Variants in PRMT3 observed in about 807,000 individuals in gnomAD.
PRMT3 encodes the protein protein arginine N-methyltransferase 3.
A neutral mutation model predicts 71.9 loss-of-function variants in PRMT3; 62 were observed. The observed-to-expected ratio is 0.86, with a 90% CI of 0.70 to 1.07. The LOEUF is 1.07. Ranked by LOEUF, PRMT3 falls within the 50% of genes least tolerant of loss-of-function variation. PRMT3 has a pLI of 0.00. For synonymous variants in PRMT3, 213 were observed against 220.4 expected (o/e 0.97, Z 0.30); for missense variants, 663 against 643.0 (o/e 1.03, Z -0.34).
intron 7 of PRMT3, 120 bp from the exon 8 acceptor site, chr11:20,402,799 C>T: frequency 3.7e-5 from 22 of 591,164 alleles, no homozygotes; most frequent in Non-Finnish European, 4.7e-5. Context: ...GCTTGGTATC[C>T]CAGGTATAAA....
chr11:20,444,307 C>A (rs1360032895), intron 10 of PRMT3, among the ~76,000 whole-genome samples: 1 of 152,100 alleles, frequency 6.6e-6, no homozygotes, highest in African/African-American at 2.4e-5. Context: ...ATTCATTTAA[C>A]AAATAGTGTG....
At chr11:20,485,522 AGAATT>A (rs1490050301) in intron 13 of PRMT3, among the ~76,000 whole-genome samples, 1 of 152,238 alleles carries the variant, frequency 6.6e-6, no homozygotes, top group Admixed American at 6.5e-5. Flanking sequence ...GGTTTGGAAA[AGAATT>A]GAACAGACAT....
intron 7 of PRMT3, among the ~76,000 whole-genome samples, chr11:20,398,488 T>C (rs1320425695): frequency 1.3e-5 from 2 of 152,184 alleles, no homozygotes; most frequent in Non-Finnish European, 2.9e-5. Flanking sequence ...AGTCTCGCTC[T>C]GTCACCCAGG....
chr11:20,412,065 A>G (rs972668618), intron 9 of PRMT3, among the ~76,000 whole-genome samples: 1 of 152,188 alleles, frequency 6.6e-6, no homozygotes, highest in African/African-American at 2.4e-5. Context: ...ACTTATTATT[A>G]TCTCACAGTT....
At chr11:20,463,574 CTT>C (rs59723081) in intron 12 of PRMT3, among the ~76,000 whole-genome samples, 8,220 of 148,514 alleles carry the variant, frequency 0.055, 433 homozygotes, top group African/African-American at 0.14. Context: ...TGTATGTACT[CTT>C]TTTTTTTTTT....
chr11:20,422,122 T>G (rs1471622408), intron 9 of PRMT3, among the ~76,000 whole-genome samples: 1 of 152,190 alleles, frequency 6.6e-6, no homozygotes, highest in African/African-American at 2.4e-5. Flanking sequence ...TCACAGCCAC[T>G]TGGGGATCAA....
intron 11 of PRMT3, 82 bp downstream of exon 11, chr11:20,452,290 C>T: frequency 3.6e-6 from 4 of 1,120,410 alleles, no homozygotes; most frequent in Non-Finnish European, 4.0e-6. Flanking sequence ...ATAAACTATG[C>T]ATGGCTGAGG....
At chr11:20,498,289 G>T (rs570863937) in intron 15 of PRMT3, among the ~76,000 whole-genome samples, 1 of 152,274 alleles carries the variant, frequency 6.6e-6, no homozygotes, top group Non-Finnish European at 1.5e-5. Context: ...GCTACACATC[G>T]AAGAAACTCA....
At chr11:20,477,283 A>AG in intron 13 of PRMT3, among the ~76,000 whole-genome samples, 1 of 152,132 alleles carries the variant, frequency 6.6e-6, no homozygotes, top group Non-Finnish European at 1.5e-5. Context: ...GTGGGTTTTA[A>AG]AGTGAGTCTT....
intron 9 of PRMT3, among the ~76,000 whole-genome samples, chr11:20,423,849 G>C (rs1410564852): frequency 8.4e-6 from 1 of 119,598 alleles, no homozygotes. Context: ...ACCCCAGCCT[G>C]AGTGACAGAG....
At chr11:20,414,144 A>G (rs959338978) in intron 9 of PRMT3, among the ~76,000 whole-genome samples, 5 of 152,280 alleles carry the variant, frequency 3.3e-5, no homozygotes, top group Admixed American at 1.3e-4. Context: ...CTTGAGACCA[A>G]GGAGTTTAAG....
chr11:20,404,211 G>GT (rs71063629), intron 8 of PRMT3, among the ~76,000 whole-genome samples: 1 of 34,332 alleles, frequency 2.9e-5, no homozygotes, highest in East Asian at 1.3e-3. Flanking sequence ...ACTTTTCATA[G>GT]TTTTTTTTTT....
chr11:20,497,308 T>TATCA (rs575972360), intron 15 of PRMT3, among the ~76,000 whole-genome samples: 151 of 152,324 alleles, frequency 9.9e-4, no homozygotes, highest in African/African-American at 3.5e-3. Flanking sequence ...GAAGGAGGTG[T>TATCA]GTGATGCAAA....
At chr11:20,464,642 T>G in intron 13 of PRMT3, 96 bp downstream of exon 13, 1 of 1,537,558 alleles carries the variant, frequency 6.5e-7, no homozygotes, top group Non-Finnish European at 8.7e-7. Context: ...CAAATGAAAA[T>G]GACTATTGCC....
At chr11:20,480,662 C>T (rs565121308) in intron 13 of PRMT3, among the ~76,000 whole-genome samples, 1 of 152,194 alleles carries the variant, frequency 6.6e-6, no homozygotes, top group African/African-American at 2.4e-5. Flanking sequence ...ATTCTAGTAG[C>T]TTTGCAGTGA....
At chr11:20,445,154 T>A (rs1309157203) in intron 10 of PRMT3, among the ~76,000 whole-genome samples, 1 of 152,074 alleles carries the variant, frequency 6.6e-6, no homozygotes, top group African/African-American at 2.4e-5. Flanking sequence ...TCTTACAATC[T>A]CTTCCTATAA....
intron 13 of PRMT3, among the ~76,000 whole-genome samples, chr11:20,485,193 A>G (rs1199011611): frequency 1.3e-5 from 2 of 152,214 alleles, no homozygotes; most frequent in Non-Finnish European, 2.9e-5. Context: ...CTGATATTAG[A>G]TTAAGATCTC....
intron 10 of PRMT3, among the ~76,000 whole-genome samples, chr11:20,437,068 T>A (rs979021479): frequency 3.9e-5 from 6 of 152,208 alleles, no homozygotes; most frequent in Non-Finnish European, 8.8e-5. Flanking sequence ...TAGTTGTTCA[T>A]CATAGTCTCT....
chr11:20,453,754 T>TAA (rs1850206472), intron 11 of PRMT3, among the ~76,000 whole-genome samples: 1 of 152,128 alleles, frequency 6.6e-6, no homozygotes, highest in South Asian at 2.1e-4. Context: ...CTACTCCAGG[T>TAA]TGAATATCCC....
Sources: gnomAD v4.1 joint callset for allele counts (sites outside exome capture counted in the v4.1 genomes callset) on GRCh38, gnomAD v4.1.1 for gene constraint, MANE v1.5 for transcripts, NCBI Gene and HGNC (gene_info 2026-07-23, HGNC 2026-07-21) for gene names.